TNFSF4: variants seen among roughly 807,000 people sequenced by gnomAD.
TNFSF4 encodes the protein TNF superfamily member 4.
A neutral mutation model predicts 7.3 loss-of-function variants in TNFSF4; 4 were observed. The observed-to-expected ratio is 0.55, with a 90% CI of 0.27 to 1.25. The LOEUF is 1.25. Ranked by LOEUF, TNFSF4 falls within the 50% of genes most tolerant of loss-of-function variation. The pLI is 0.12. For synonymous variants in TNFSF4, 76 were observed against 83.7 expected (o/e 0.91, Z 0.50); for missense variants, 181 against 208.8 (o/e 0.87, Z 0.82).
the TNFSF4 span, among the ~76,000 whole-genome samples, chr1:173,420,450 T>A: frequency 7.4e-3 from 1,126 of 152,310 alleles, 14 homozygotes; most frequent in African/African-American, 0.026. Flanking sequence ...CTTGGTGCCC[T>A]CTGGGTTTAG....
the TNFSF4 span, among the ~76,000 whole-genome samples, chr1:173,228,495 G>A: frequency 1.3e-5 from 2 of 152,146 alleles, no homozygotes; most frequent in Non-Finnish European, 2.9e-5. Flanking sequence ...GAACAGAAAA[G>A]CTGAAAATTC....
the TNFSF4 span, among the ~76,000 whole-genome samples, chr1:173,448,405 A>C: frequency 6.6e-6 from 1 of 152,220 alleles, no homozygotes; most frequent in Admixed American, 6.5e-5. Flanking sequence ...GAAGTCATAC[A>C]AAGAATCTTT....
chr1:173,283,951 C>A, the TNFSF4 span, among the ~76,000 whole-genome samples: 8 of 143,280 alleles, frequency 5.6e-5, no homozygotes, highest in East Asian at 1.3e-3. Flanking sequence ...AAAAAAAGTT[C>A]TTGAAGGAAA....
the TNFSF4 span, among the ~76,000 whole-genome samples, chr1:173,372,867 C>A: frequency 5.9e-5 from 9 of 152,188 alleles, no homozygotes; most frequent in African/African-American, 2.2e-4. Context: ...CCAGGAGGAT[C>A]TCTTAGAAGT....
the TNFSF4 span, among the ~76,000 whole-genome samples, chr1:173,278,811 C>G: frequency 6.6e-6 from 1 of 152,094 alleles, no homozygotes; most frequent in South Asian, 2.1e-4. Context: ...GCCAATTAAT[C>G]AAGAAGGAAG....
At chr1:173,442,535 T>G in the TNFSF4 span, among the ~76,000 whole-genome samples, 1 of 146,604 alleles carries the variant, frequency 6.8e-6, no homozygotes, top group Non-Finnish European at 1.5e-5. Flanking sequence ...GTTTTTGGTT[T>G]TTCGTTTTTG....
chr1:173,206,885 A>G, intron 1 of TNFSF4, 139 bp downstream of exon 1: 1 of 988,514 alleles, frequency 1.0e-6, no homozygotes, highest in Non-Finnish European at 1.4e-6. Context: ...GTTTAACCAC[A>G]CTTTACGATT....
At chr1:173,206,636 G>T (rs1025254680) in intron 1 of TNFSF4, among the ~76,000 whole-genome samples, 2 of 152,186 alleles carry the variant, frequency 1.3e-5, no homozygotes, top group South Asian at 2.1e-4. Context: ...AGTGGAACTG[G>T]TCTCTTTCCT....
chr1:173,311,488 C>T, the TNFSF4 span, among the ~76,000 whole-genome samples: 24 of 151,964 alleles, frequency 1.6e-4, no homozygotes, highest in East Asian at 7.8e-4. Context: ...TGAAGGACCC[C>T]TCTCCTTCAC....
chr1:173,401,217 G>A, the TNFSF4 span, among the ~76,000 whole-genome samples: 2 of 152,166 alleles, frequency 1.3e-5, no homozygotes, highest in South Asian at 2.1e-4. Context: ...TATACATTTT[G>A]TTGTCTACAG....
chr1:173,443,258 C>T, the TNFSF4 span, among the ~76,000 whole-genome samples: 2 of 152,000 alleles, frequency 1.3e-5, no homozygotes, highest in African/African-American at 2.4e-5. Flanking sequence ...GAAGCCAGAA[C>T]AATGTTGTTT....
the TNFSF4 span, among the ~76,000 whole-genome samples, chr1:173,307,657 T>C: frequency 6.6e-6 from 1 of 151,866 alleles, no homozygotes; most frequent in Non-Finnish European, 1.5e-5. Flanking sequence ...CATGAAATAC[T>C]AAAGTATTTA....
chr1:173,300,310 C>A, the TNFSF4 span, among the ~76,000 whole-genome samples: 220 of 151,926 alleles, frequency 1.4e-3, 1 homozygote, highest in South Asian at 0.021. Context: ...CAGCCAGGAA[C>A]TTCCTATGAG....
chr1:173,289,927 G>A, the TNFSF4 span, among the ~76,000 whole-genome samples: 1 of 140,650 alleles, frequency 7.1e-6, no homozygotes, highest in Non-Finnish European at 1.5e-5. Context: ...AGTTCCAGAA[G>A]GAGAAGAGAT....
the TNFSF4 span, among the ~76,000 whole-genome samples, chr1:173,238,280 C>A: frequency 2.0e-5 from 3 of 152,132 alleles, no homozygotes; most frequent in Non-Finnish European, 4.4e-5. Flanking sequence ...AAATGCAAAA[C>A]TTAAAAATTT....
the TNFSF4 span, among the ~76,000 whole-genome samples, chr1:173,372,616 A>G: frequency 2.0e-5 from 3 of 152,192 alleles, no homozygotes. Flanking sequence ...GAGGCCATCA[A>G]AATAATACAA....
chr1:173,195,064 G>A (rs1306842568), intron 1 of TNFSF4, among the ~76,000 whole-genome samples: 1 of 151,862 alleles, frequency 6.6e-6, no homozygotes, highest in African/African-American at 2.4e-5. Flanking sequence ...GAACTTGGTC[G>A]GGAATAAATA....
At chr1:173,314,770 G>T in the TNFSF4 span, among the ~76,000 whole-genome samples, 1 of 152,140 alleles carries the variant, frequency 6.6e-6, no homozygotes. Context: ...TGCTGAACTT[G>T]TAGAGAGAGA....
the TNFSF4 span, among the ~76,000 whole-genome samples, chr1:173,420,610 A>G: frequency 6.6e-6 from 1 of 151,990 alleles, no homozygotes. Context: ...CTTTAAGATG[A>G]TGTCAAATAT....
Sources: allele counts gnomAD v4.1 joint callset (sites outside exome capture counted in the v4.1 genomes callset), GRCh38; gene constraint gnomAD v4.1.1; transcripts MANE v1.5; gene names NCBI Gene and HGNC (gene_info 2026-07-23, HGNC 2026-07-21).